The following FTO variants were observed in gnomAD, a reference collection of about 807,000 sequenced individuals.
FTO encodes FTO alpha-ketoglutarate dependent dioxygenase.
FTO carries 47 observed loss-of-function variants against 63.9 expected under a neutral mutation model. That is an observed-to-expected ratio of 0.74 (90% CI 0.58 to 0.94). The LOEUF (loss-of-function observed/expected upper bound fraction) is 0.94, where lower values mean the gene tolerates loss of function less well. Ranked by LOEUF, FTO falls within the 40% of genes least tolerant of loss-of-function variation. FTO has a pLI of 0.00. For missense variants in FTO, 562 were observed against 618.1 expected, an observed-to-expected ratio of 0.91 and a Z score of 0.96; for synonymous variants, 207 against 224.4, an observed-to-expected ratio of 0.92 and a Z score of 0.69.
chr16:54,110,348 G>A lies in FTO; in HGVS notation c.1365-1414G>A, dbSNP rs1223995698. On this transcript the variant is annotated intron_variant, in intron 8 of 8. Coordinates refer to ENST00000471389, the MANE Select transcript of FTO (RefSeq NM_001080432.3). ...AACACATTACTCTTCTTGGGGCCCC[G>A]GGGTCAGCTAATCTTATTATTTATG... is the stretch of plus-strand genomic sequence containing the variant. Among the ~76,000 whole-genome samples, 4 of 152,120 alleles carry A rather than the reference G, an allele frequency of 2.6e-5. No homozygotes were observed. The East Asian group carries it at 5.8e-4, about 22-fold the overall frequency.
At chr16:53,991,192 T>G (rs1245257245) in intron 8 of FTO, 5 of 152,236 alleles carry the variant, frequency 3.3e-5, no homozygotes, top group Non-Finnish European at 7.3e-5. Flanking sequence ...CGTGTGTCCT[T>G]ATTTTCCTTG....
intron 8 of FTO, among the ~76,000 whole-genome samples, chr16:53,949,669 C>T (rs2082724835): frequency 6.8e-6 from 1 of 147,928 alleles, no homozygotes; most frequent in African/African-American, 2.5e-5. Context: ...TGTTTATAAT[C>T]TCTGCATTTA....
chr16:53,908,096 A>G (rs1407619170), intron 7 of FTO, among the ~76,000 whole-genome samples: 1 of 152,316 alleles, frequency 6.6e-6, no homozygotes, highest in African/African-American at 2.4e-5. Context: ...AGAACTGAGA[A>G]TTGTTGATCA....
chr16:53,755,106 G>A (rs1198324668), intron 1 of FTO, among the ~76,000 whole-genome samples: 1 of 152,232 alleles, frequency 6.6e-6, no homozygotes, highest in Non-Finnish European at 1.5e-5. Context: ...GACTGACTAT[G>A]ACCAAGATTA....
At chr16:53,705,218 G>C (rs2075567154) in intron 1 of FTO, among the ~76,000 whole-genome samples, 1 of 152,014 alleles carries the variant, frequency 6.6e-6, no homozygotes, top group African/African-American at 2.4e-5. Context: ...ATATAATTAT[G>C]TCCCTTTCCT....
chr16:54,049,838 T>C (rs1362933398), intron 8 of FTO, among the ~76,000 whole-genome samples: 2 of 152,210 alleles, frequency 1.3e-5, no homozygotes, highest in African/African-American at 4.8e-5. Context: ...GGTGTTTTCA[T>C]GTAGAGCCTG....
intron 8 of FTO, among the ~76,000 whole-genome samples, chr16:53,940,739 T>C (rs970017402): frequency 6.6e-6 from 1 of 152,220 alleles, no homozygotes; most frequent in Non-Finnish European, 1.5e-5. Flanking sequence ...CTTTTAGAAC[T>C]ACTTGCTTCT....
intron 1 of FTO, among the ~76,000 whole-genome samples, chr16:53,769,709 G>C (rs1474122729): frequency 6.6e-6 from 1 of 151,878 alleles, no homozygotes; most frequent in Non-Finnish European, 1.5e-5. Flanking sequence ...TATGATTTTT[G>C]CTGCAAAAAT....
At chr16:53,760,944 T>TGA (rs1567963625) in intron 1 of FTO, among the ~76,000 whole-genome samples, 2 of 151,654 alleles carry the variant, frequency 1.3e-5, no homozygotes, top group South Asian at 2.1e-4. Flanking sequence ...ATCTTTCACA[T>TGA]TGACTTTGAC....
intron 1 of FTO, among the ~76,000 whole-genome samples, chr16:53,773,092 TA>T (rs5816907): frequency 0.15 from 14,595 of 94,824 alleles, 864 homozygotes; most frequent in Middle Eastern, 0.28. Context: ...TTTATTTATT[TA>T]TTTTTTTTTT....
At chr16:53,722,191 A>G (rs2076055947) in intron 1 of FTO, among the ~76,000 whole-genome samples, 1 of 152,200 alleles carries the variant, frequency 6.6e-6, no homozygotes, top group Non-Finnish European at 1.5e-5. Flanking sequence ...TGTGTATGGT[A>G]CATTTACTGG....
At chr16:53,948,989 C>G (rs989383524) in intron 8 of FTO, among the ~76,000 whole-genome samples, 1 of 152,178 alleles carries the variant, frequency 6.6e-6, no homozygotes, top group African/African-American at 2.4e-5. Context: ...TTGCCTTGAA[C>G]TTGGCACTAT....
At chr16:54,031,016 A>T (rs570442591) in intron 8 of FTO, among the ~76,000 whole-genome samples, 4 of 152,218 alleles carry the variant, frequency 2.6e-5, no homozygotes, top group Non-Finnish European at 5.9e-5. Context: ...AATCTGGTTT[A>T]TGTAACTGGT....
intron 8 of FTO, among the ~76,000 whole-genome samples, chr16:54,040,934 G>A (rs2085061924): frequency 1.3e-5 from 2 of 152,126 alleles, no homozygotes; most frequent in East Asian, 1.9e-4. Flanking sequence ...AAATACCGAG[G>A]CTTCTCCCCA....
At chr16:53,925,624 C>T (rs1168333273) in intron 7 of FTO, among the ~76,000 whole-genome samples, 1 of 152,108 alleles carries the variant, frequency 6.6e-6, no homozygotes, top group Non-Finnish European at 1.5e-5. Flanking sequence ...GCCGTTGCAT[C>T]ATATCAGAGA....
intron 7 of FTO, among the ~76,000 whole-genome samples, chr16:53,931,806 A>G (rs1012472543): frequency 1.3e-5 from 2 of 151,826 alleles, no homozygotes; most frequent in African/African-American, 4.8e-5. Flanking sequence ...CATTTGACCC[A>G]CATGGTATTT....
At chr16:54,058,657 C>T (rs1371330837) in intron 8 of FTO, among the ~76,000 whole-genome samples, 1 of 152,182 alleles carries the variant, frequency 6.6e-6, no homozygotes, top group Admixed American at 6.5e-5. Context: ...CATCCTCCTG[C>T]AGGTATAACT....
intron 1 of FTO, among the ~76,000 whole-genome samples, chr16:53,759,693 C>CAAAAAAAAAAAAAAAAAAA (rs758376530): frequency 7.4e-4 from 21 of 28,436 alleles, no homozygotes; most frequent in Admixed American, 1.0e-3. Flanking sequence ...GACTCCTTCT[C>CAAAAAAAAAAAAAAAAAAA]AAAAAAAAAA....
intron 3 of FTO, among the ~76,000 whole-genome samples, chr16:53,843,414 C>G (rs1255627952): frequency 6.6e-6 from 1 of 151,780 alleles, no homozygotes; most frequent in African/African-American, 2.4e-5. Flanking sequence ...AAAAATTTCT[C>G]TCTTTTGGCT....
Sources: allele counts gnomAD v4.1 joint callset (sites outside exome capture counted in the v4.1 genomes callset), GRCh38; gene constraint gnomAD v4.1.1; transcripts MANE v1.5; gene names NCBI Gene and HGNC (gene_info 2026-07-23, HGNC 2026-07-21).